Variants in NUP153 observed in about 807,000 individuals in gnomAD.
NUP153 encodes nuclear pore complex protein Nup153.
A neutral mutation model predicts 134.6 loss-of-function variants in NUP153; 27 were observed. The ratio of observed to expected loss-of-function variants is 0.20; its 90% confidence interval spans 0.15 to 0.28. The LOEUF (loss-of-function observed/expected upper bound fraction) is 0.28. NUP153 is among the 10% of genes least tolerant of loss of function. NUP153 has a pLI of 1.00. For synonymous variants in NUP153, 640 were observed against 623.5 expected, an observed-to-expected ratio of 1.03 and a Z score of -0.40; for missense variants, 1,821 against 1,731.3, an observed-to-expected ratio of 1.05 and a Z score of -0.92.
intron 11 of NUP153, among the ~76,000 whole-genome samples, chr6:17,660,629 G>GA (rs1353526177): frequency 6.6e-6 from 1 of 151,344 alleles, no homozygotes; most frequent in East Asian, 1.9e-4. Context: ...AACCCCATAG[G>GA]AAAAAAATGG....
At chr6:17,651,418 G>A (rs976993266) in intron 11 of NUP153, among the ~76,000 whole-genome samples, 1 of 152,054 alleles carries the variant, frequency 6.6e-6, no homozygotes, top group East Asian at 1.9e-4. Context: ...ACAGAAAACA[G>A]TGGATGAATG....
At chr6:17,695,730 C>CCAA (rs1769593399) in intron 1 of NUP153, among the ~76,000 whole-genome samples, 3 of 152,188 alleles carry the variant, frequency 2.0e-5, no homozygotes, top group Non-Finnish European at 2.9e-5. Context: ...TAACAGGGGG[C>CCAA]TGGGCACGGT....
At chr6:17,659,252 C>T (rs973066868) in intron 11 of NUP153, among the ~76,000 whole-genome samples, 1 of 152,170 alleles carries the variant, frequency 6.6e-6, no homozygotes, top group African/African-American at 2.4e-5. Flanking sequence ...AAGAGCTTGT[C>T]GAATCCCAAA....
At chr6:17,681,348 AGGCCGAGGTG>A (rs1210854431) in intron 2 of NUP153, among the ~76,000 whole-genome samples, 8 of 152,168 alleles carry the variant, frequency 5.3e-5, no homozygotes, top group Non-Finnish European at 2.9e-5. Context: ...GCACTTTGGG[AGGCCGAGGTG>A]GGCGGATCAC....
Position 17,616,552 on chromosome 6 carries a change from G to C in NUP153, c.4318C>G (p.Gln1440Glu). The C allele has an allele frequency of 6.2e-7, 1 of 1,613,528 alleles. No homozygotes were observed. Among genetic ancestry groups the C allele is most frequent in the East Asian group, 2.2e-5 (1 of 44,872 alleles). ...PSGSGGFPFN[Q>E]SPAAFTVGSN... ...CCCACTGTAAATGCTGCTGGAGACTGGTTAAATGGAAAGCCCCCCGAGCCT... is the reference window on the plus strand; with the variant it reads ...CCCACTGTAAATGCTGCTGGAGACTCGTTAAATGGAAAGCCCCCCGAGCCT... Residue 1440 changes from glutamine to glutamate, a missense_variant, in exon 21 of 22, where the codon CAG (glutamine) becomes GAG (glutamate). Transcript: ENST00000262077.
intron 2 of NUP153, among the ~76,000 whole-genome samples, chr6:17,688,094 G>C (rs1379409561): frequency 6.6e-6 from 1 of 151,784 alleles, no homozygotes; most frequent in Non-Finnish European, 1.5e-5. Flanking sequence ...CTCCAGCCTG[G>C]GCCACAGAGC....
rs112957894 is a variant in NUP153, at chr6:17,665,325, T to C, written c.1129A>G (p.Thr377Ala). The C allele has an allele frequency of 7.2e-5, 116 of 1,613,466 alleles. No homozygotes were observed. The highest frequency in any genetic ancestry group is 9.5e-5 in the Non-Finnish European group (112 of 1,179,600). The change falls in exon 9 of 22, where the codon ACA (threonine) becomes GCA (alanine). Residue 377 changes from threonine to alanine, a missense_variant. Physicochemically the swap from Thr to Ala is moderately conservative, Grantham distance 58. Transcript: ENST00000262077. ...LMTPKPVSIA[T>A]NRSVYFKPSL... ...GGTTTAAAATAAACACTTCGATTTGTTGCTATGGAAACTGGCTTTGGGGTC... is the reference window on the plus strand; with the variant it reads ...GGTTTAAAATAAACACTTCGATTTGCTGCTATGGAAACTGGCTTTGGGGTC...
At chr6:17,672,483 G>C (rs1767974402) in intron 5 of NUP153, among the ~76,000 whole-genome samples, 1 of 152,150 alleles carries the variant, frequency 6.6e-6, no homozygotes, top group African/African-American at 2.4e-5. Context: ...GGCTAAAGTG[G>C]GAGGATCACT....
chr6:17,652,177 A>T (rs1766533623), intron 11 of NUP153, among the ~76,000 whole-genome samples: 1 of 152,224 alleles, frequency 6.6e-6, no homozygotes, highest in Non-Finnish European at 1.5e-5. Context: ...ATGAAAAATG[A>T]ATAAGAACAA....
At chr6:17,701,116 T>C (rs1002964287) in intron 1 of NUP153, among the ~76,000 whole-genome samples, 4 of 151,708 alleles carry the variant, frequency 2.6e-5, no homozygotes, top group Admixed American at 1.3e-4. Flanking sequence ...TTCCAGCTAC[T>C]TGGGAGGCTG....
At chr6:17,623,055 G>A (rs180708624) in intron 20 of NUP153, among the ~76,000 whole-genome samples, 116 of 151,738 alleles carry the variant, frequency 7.6e-4, no homozygotes, top group Non-Finnish European at 1.2e-3. Context: ...ACTTGAACCC[G>A]GGAAGCGGAG....
intron 20 of NUP153, among the ~76,000 whole-genome samples, chr6:17,621,606 C>T (rs1351418395): frequency 6.6e-6 from 1 of 152,198 alleles, no homozygotes; most frequent in Non-Finnish European, 1.5e-5. Flanking sequence ...GGCACAAAGA[C>T]ACATATTCAA....
chr6:17,691,822 A>AT (rs35324970), intron 1 of NUP153, among the ~76,000 whole-genome samples: 21,673 of 150,014 alleles, frequency 0.14, 1,773 homozygotes, highest in East Asian at 0.31. Context: ...TATAGCAAGA[A>AT]TTTTTTTTTT....
In NUP153 at chr6:17,637,434, C is replaced by G; in HGVS notation, c.2183G>C (p.Cys728Ser). ...KFKPVIGTWDCDTCLVQNKPE... is the reference protein window; with the variant it reads ...KFKPVIGTWDSDTCLVQNKPE... ...TTTATTTTGCACTAAACAGGTATCA[C>G]AATCCCAAGTGCCTATCACTGGTTT... The change falls in exon 16 of 22, where the codon TGT becomes TCT. Residue 728 changes from cysteine to serine, a missense_variant. Cys to Ser is a moderately radical substitution (Grantham distance 112, BLOSUM62 -1). Transcript: ENST00000262077. The G allele has an allele frequency of 6.2e-7, 1 of 1,614,242 alleles. No homozygotes were observed. Among genetic ancestry groups the G allele is most frequent in the Non-Finnish European group, 8.5e-7 (1 of 1,180,052 alleles).
chr6:17,649,914 G>C (rs1240367691), intron 11 of NUP153, among the ~76,000 whole-genome samples: 2 of 152,148 alleles, frequency 1.3e-5, no homozygotes, highest in Admixed American at 6.5e-5. Flanking sequence ...TGCAGATAAG[G>C]GGGTGAGGGG....
chr6:17,670,876 T>A (rs1767868160), intron 5 of NUP153, among the ~76,000 whole-genome samples: 2 of 152,106 alleles, frequency 1.3e-5, no homozygotes, highest in Admixed American at 1.3e-4. Flanking sequence ...GGTGGCACAA[T>A]CTCGGCTCAC....
chr6:17,645,106 T>C (rs992828524), intron 14 of NUP153, among the ~76,000 whole-genome samples: 1 of 151,082 alleles, frequency 6.6e-6, no homozygotes, highest in Admixed American at 6.6e-5. Context: ...AAAAAAAAAG[T>C]AGCCAGCAGG....
intron 2 of NUP153, among the ~76,000 whole-genome samples, chr6:17,686,732 T>C (rs1768956140): frequency 1.3e-5 from 2 of 151,942 alleles, no homozygotes; most frequent in African/African-American, 4.8e-5. Flanking sequence ...TTTTAAGTTT[T>C]TGAAGTAGAT....
At position 17,669,448 on chromosome 6, in the gene NUP153, C is replaced by T; in HGVS notation, c.951G>A (p.Lys317=). ...AATTTACCGCTAAAGGGCTTGACATCTTCTCTAAAGACTGCAATATTCGCC... is the reference window on the plus strand; with the variant it reads ...AATTTACCGCTAAAGGGCTTGACATTTTCTCTAAAGACTGCAATATTCGCC... ...TARRILQSLE[K]MSSPLADAKR... is the part of the protein sequence containing the mutation. Residue 317 remains lysine (K), a synonymous_variant, in exon 6 of 22, where the codon AAG becomes AAA. Transcript: ENST00000262077. The T allele has an allele frequency of 6.2e-7, 1 of 1,613,626 alleles. No homozygotes were observed. The highest frequency in any genetic ancestry group is 8.5e-7 in the Non-Finnish European group (1 of 1,179,542).
Sources: allele counts gnomAD v4.1 joint callset (sites outside exome capture counted in the v4.1 genomes callset), GRCh38; gene constraint gnomAD v4.1.1; transcripts MANE v1.5; gene names NCBI Gene and HGNC (gene_info 2026-07-23, HGNC 2026-07-21).